The following USH2A variants were observed in gnomAD, a reference collection of about 807,000 sequenced individuals.
USH2A encodes Usher syndrome 2A (autosomal recessive, mild).
A neutral mutation model predicts 538.9 loss-of-function variants in USH2A; 443 were observed. That is an observed-to-expected ratio of 0.82 (90% CI 0.76 to 0.89). The LOEUF (loss-of-function observed/expected upper bound fraction) is 0.89, where lower values mean the gene tolerates loss of function less well. USH2A is among the 40% of genes least tolerant of loss of function. The pLI, the probability that USH2A is intolerant of heterozygous loss-of-function variation, is 0.00. For synonymous variants in USH2A, 2,413 were observed against 2,273.5 expected (o/e 1.06, Z -1.75); for missense variants, 6,633 against 6,324.8 (o/e 1.05, Z -1.65).
intron 38 of USH2A, among the ~76,000 whole-genome samples, chr1:215,911,943 T>C (rs572048601): frequency 2.6e-5 from 4 of 152,124 alleles, no homozygotes; most frequent in Non-Finnish European, 4.4e-5. Flanking sequence ...TAGTTTTGAT[T>C]TGCATTTCTC....
At chr1:216,138,739 G>A (rs2033538179) in intron 21 of USH2A, among the ~76,000 whole-genome samples, 1 of 151,982 alleles carries the variant, frequency 6.6e-6, no homozygotes, top group African/African-American at 2.4e-5. Flanking sequence ...CCCTTTTTCT[G>A]ATGAAAGAAA....
At chr1:216,071,407 C>T (rs1481049162) in intron 29 of USH2A, among the ~76,000 whole-genome samples, 1 of 152,134 alleles carries the variant, frequency 6.6e-6, no homozygotes, top group African/African-American at 2.4e-5. Context: ...GGGAGTGACG[C>T]TGATTTTATT....
Position 215,844,664 on chromosome 1 carries a change from T to G in USH2A, c.9056-168A>C, listed in dbSNP as rs191319358. 8.5e-5 allele frequency among the ~76,000 whole-genome samples: 13 copies of G among 152,328 alleles called. No homozygotes were observed. The East Asian group carries it at 1.7e-3, about 20-fold the overall frequency. ...TCCTCTGTAAATTGGCTTATTATAC[T>G]CTCAGTTAGAAACCATAAGAATTGG... On this transcript the variant is annotated intron_variant, in intron 45 of 71. Transcript: ENST00000307340.
chr1:216,103,660 T>A (rs570660422), intron 21 of USH2A, among the ~76,000 whole-genome samples: 145 of 152,284 alleles, frequency 9.5e-4, no homozygotes, highest in Non-Finnish European at 1.7e-3. Flanking sequence ...GAAATTTAAA[T>A]TCTTACAATG....
At chr1:216,335,913 C>T (rs775530573) in intron 4 of USH2A, among the ~76,000 whole-genome samples, 27 of 151,508 alleles carry the variant, frequency 1.8e-4, no homozygotes, top group African/African-American at 2.4e-4. Flanking sequence ...AAACACTCTC[C>T]AAATTACTCT....
intron 38 of USH2A, among the ~76,000 whole-genome samples, chr1:215,929,180 A>G (rs1000062145): frequency 6.6e-6 from 1 of 152,112 alleles, no homozygotes; most frequent in African/African-American, 2.4e-5. Flanking sequence ...TGAATAAAAT[A>G]TACAATAATA....
intron 12 of USH2A, among the ~76,000 whole-genome samples, chr1:216,247,981 T>C (rs1456153963): frequency 6.6e-6 from 1 of 152,166 alleles, no homozygotes; most frequent in Non-Finnish European, 1.5e-5. Context: ...TATACACTTA[T>C]TTCTGAATCC....
chr1:216,123,328 A>G (rs987681805), intron 21 of USH2A, among the ~76,000 whole-genome samples: 3 of 152,222 alleles, frequency 2.0e-5, no homozygotes, highest in African/African-American at 4.8e-5. Context: ...GTCTTGTAAA[A>G]CAAAACAGTT....
At chr1:216,369,437 T>C in intron 3 of USH2A, among the ~76,000 whole-genome samples, 1 of 152,138 alleles carries the variant, frequency 6.6e-6, no homozygotes, top group Non-Finnish European at 1.5e-5. Context: ...ATCTAACTGG[T>C]AAAGTCTCCT....
chr1:216,388,253 C>T (rs1366675827), intron 3 of USH2A, among the ~76,000 whole-genome samples: 2 of 152,168 alleles, frequency 1.3e-5, no homozygotes, highest in African/African-American at 4.8e-5. Context: ...AAGTAAATGT[C>T]AGGGAATAAT....
At chr1:215,681,997 T>G (rs1658245901) in intron 61 of USH2A, among the ~76,000 whole-genome samples, 1 of 152,196 alleles carries the variant, frequency 6.6e-6, no homozygotes, top group Non-Finnish European at 1.5e-5. Context: ...AAAAACTTAT[T>G]TCTCCATAAC....
intron 47 of USH2A, among the ~76,000 whole-genome samples, chr1:215,829,428 A>G (rs1486200633): frequency 6.6e-6 from 1 of 152,160 alleles, no homozygotes; most frequent in East Asian, 1.9e-4. Context: ...TATGAGTTAA[A>G]TTTTACTGAC....
In USH2A at chr1:216,257,501, T is replaced by C. The variant is rs189438947; in HGVS notation, c.1972-6403A>G. Among the ~76,000 whole-genome samples the C allele has an allele frequency of 6.9e-4, 105 of 152,132 alleles. 1 individual carries two copies. Among genetic ancestry groups the C allele is most frequent in the Admixed American group, 6.8e-3 (104 of 15,244 alleles). ...TCACTAGCTTTGAGCAATTCAATTA[T>C]AATATGCCTTTTGTGATTTCCTTCA... is the stretch of plus-strand genomic sequence containing the variant. On this transcript the variant is annotated intron_variant, in intron 11 of 71. Coordinates refer to ENST00000307340, the MANE Select transcript of USH2A (RefSeq NM_206933.4).
chr1:216,278,822 C>A (rs2036718671), intron 11 of USH2A, among the ~76,000 whole-genome samples: 2 of 152,146 alleles, frequency 1.3e-5, no homozygotes, highest in African/African-American at 4.8e-5. Flanking sequence ...ATGACAAATA[C>A]CTAATTCTGA....
At chr1:215,831,261 C>T (rs1663307341) in intron 47 of USH2A, among the ~76,000 whole-genome samples, 1 of 152,120 alleles carries the variant, frequency 6.6e-6, no homozygotes, top group South Asian at 2.1e-4. Flanking sequence ...GCCACAATGA[C>T]ATTTGGAGAC....
chr1:216,101,562 A>G (rs2032578319), intron 21 of USH2A, among the ~76,000 whole-genome samples: 1 of 152,212 alleles, frequency 6.6e-6, no homozygotes, highest in South Asian at 2.1e-4. Context: ...TCCTGGGCCC[A>G]GGAATAAGAA....
chr1:216,237,192 T>G (rs1404328888), intron 13 of USH2A, among the ~76,000 whole-genome samples: 2 of 152,130 alleles, frequency 1.3e-5, no homozygotes, highest in African/African-American at 4.8e-5. Flanking sequence ...ACCTCATCAT[T>G]ATTTGAACTC....
chr1:215,877,753 C>T lies in USH2A; in HGVS notation c.8681+5G>A, dbSNP rs773621850. On this transcript the variant is annotated splice_donor_5th_base_variant and intron_variant, in intron 43 of 71. Transcript: ENST00000307340. ...CATTTGTTTTTATAGTTTTTGTAAT[C>T]TCACCTGCTAAGACCCTTATCTTCA... 6.2e-7 allele frequency: 1 copy of T among 1,613,530 alleles called. No homozygotes were observed. Among genetic ancestry groups the T allele is most frequent in the South Asian group, 1.1e-5 (1 of 91,064 alleles).
intron 13 of USH2A, among the ~76,000 whole-genome samples, chr1:216,243,068 T>C (rs577818496): frequency 1.3e-5 from 2 of 152,308 alleles, no homozygotes; most frequent in East Asian, 3.9e-4. Flanking sequence ...TGTAGCTTGA[T>C]CATTCTAGCT....
Sources: allele counts gnomAD v4.1 joint callset (sites outside exome capture counted in the v4.1 genomes callset), GRCh38; gene constraint gnomAD v4.1.1; transcripts MANE v1.5; gene names NCBI Gene and HGNC (gene_info 2026-07-23, HGNC 2026-07-21).